Variants in BANK1 observed in about 807,000 individuals in gnomAD.
BANK1 encodes B-cell scaffold protein with ankyrin repeats.
BANK1 carries 95 observed loss-of-function variants against 94.5 expected under a neutral mutation model. The observed-to-expected ratio is 1.00, with a 90% CI of 0.85 to 1.19. BANK1 has a LOEUF of 1.19. BANK1 is among the 50% of genes most tolerant of loss of function. The pLI, the probability that BANK1 is intolerant of heterozygous loss-of-function variation, is 0.00. For synonymous variants in BANK1, 334 were observed against 308.4 expected, an observed-to-expected ratio of 1.08 and a Z score of -0.87; for missense variants, 987 against 932.2, an observed-to-expected ratio of 1.06 and a Z score of -0.77.
At chr4:102,020,521 G>T (rs1033542990) in intron 7 of BANK1, among the ~76,000 whole-genome samples, 1 of 151,970 alleles carries the variant, frequency 6.6e-6, no homozygotes, top group African/African-American at 2.4e-5. Flanking sequence ...GATGACATTA[G>T]TGTTTAAAAA....
chr4:101,942,872 G>C (rs901258472), intron 7 of BANK1, among the ~76,000 whole-genome samples: 3 of 151,852 alleles, frequency 2.0e-5, no homozygotes, highest in Non-Finnish European at 4.4e-5. Flanking sequence ...ACTGTGGCAT[G>C]CTTTAAGGAT....
At chr4:102,049,565 C>G (rs955769465) in intron 11 of BANK1, among the ~76,000 whole-genome samples, 2 of 152,162 alleles carry the variant, frequency 1.3e-5, no homozygotes, top group Non-Finnish European at 2.9e-5. Context: ...TGTTGTTGCT[C>G]TCACTCTTAG....
intron 2 of BANK1, among the ~76,000 whole-genome samples, chr4:101,847,214 T>C (rs1325370197): frequency 6.6e-6 from 1 of 151,282 alleles, no homozygotes; most frequent in African/African-American, 2.4e-5. Flanking sequence ...TGTGTGTGTG[T>C]GTGTGTGTGT....
intron 10 of BANK1, among the ~76,000 whole-genome samples, chr4:102,042,889 G>T (rs1255943969): frequency 6.6e-6 from 1 of 151,904 alleles, no homozygotes; most frequent in African/African-American, 2.4e-5. Flanking sequence ...GTGCTGTAAG[G>T]AACCACGCAA....
At chr4:101,855,925 G>A (rs948691559) in intron 3 of BANK1, among the ~76,000 whole-genome samples, 5 of 152,116 alleles carry the variant, frequency 3.3e-5, no homozygotes, top group African/African-American at 1.2e-4. Context: ...ATCTTGCTTG[G>A]AATGAACCAC....
intron 11 of BANK1, among the ~76,000 whole-genome samples, chr4:102,056,439 C>A (rs1032828381): frequency 6.6e-6 from 1 of 151,536 alleles, no homozygotes; most frequent in Non-Finnish European, 1.5e-5. Flanking sequence ...ATATAATGCT[C>A]CCATTAAAAA....
At chr4:101,876,690 C>T (rs1280753018) in intron 5 of BANK1, among the ~76,000 whole-genome samples, 3 of 152,076 alleles carry the variant, frequency 2.0e-5, no homozygotes, top group Admixed American at 1.3e-4. Flanking sequence ...TATGACCTCA[C>T]CAAATGAACT....
chr4:101,930,901 G>A (rs1294633914), intron 7 of BANK1, among the ~76,000 whole-genome samples: 1 of 151,498 alleles, frequency 6.6e-6, no homozygotes, highest in Non-Finnish European at 1.5e-5. Flanking sequence ...ATCTTTCTAT[G>A]TAAAATCATT....
chr4:101,809,761 G>A (rs1725679902), intron 1 of BANK1, among the ~76,000 whole-genome samples: 1 of 152,170 alleles, frequency 6.6e-6, no homozygotes, highest in South Asian at 2.1e-4. Flanking sequence ...GAAGCAGAAA[G>A]TATACTGCAC....
chr4:101,904,253 AATGCTCCCATAGGTTGT>A (rs1722372579), intron 6 of BANK1, among the ~76,000 whole-genome samples: 1 of 152,216 alleles, frequency 6.6e-6, no homozygotes, highest in Non-Finnish European at 1.5e-5. Context: ...TCTTGGCTGT[AATGCTCCCATAGGTTGT>A]ATGACTGAAT....
chr4:101,928,032 G>T (rs538113835), intron 7 of BANK1, among the ~76,000 whole-genome samples: 1 of 151,708 alleles, frequency 6.6e-6, no homozygotes, highest in South Asian at 2.1e-4. Context: ...TCAAATTTTT[G>T]ATTTAACAAC....
chr4:101,799,797 C>G (rs908432244), intron 1 of BANK1, among the ~76,000 whole-genome samples: 1 of 152,152 alleles, frequency 6.6e-6, no homozygotes, highest in African/African-American at 2.4e-5. Flanking sequence ...TGGCATGAAC[C>G]TGGGAGGCGG....
chr4:101,901,934 G>A lies in BANK1; in HGVS notation c.1009+6524G>A, dbSNP rs558020460. Among the ~76,000 whole-genome samples the A allele has an allele frequency of 2.4e-4, 36 of 151,986 alleles. No individual in the cohort carries two copies. The East Asian group carries it at 6.6e-3, about 28-fold the overall frequency. ...CGCCAACACACCTGGCTATTTTTTT[G>A]TATTTTTAGTAGAGACAGGGTTTCA... On this transcript the variant is annotated intron_variant, in intron 6 of 16. Coordinates refer to ENST00000322953, the MANE Select transcript of BANK1 (RefSeq NM_017935.5).
intron 7 of BANK1, among the ~76,000 whole-genome samples, chr4:101,953,343 A>C (rs934455397): frequency 6.6e-6 from 1 of 152,146 alleles, no homozygotes; most frequent in South Asian, 2.1e-4. Context: ...ATGTTGAAAC[A>C]GTGAACAAAA....
intron 11 of BANK1, among the ~76,000 whole-genome samples, chr4:102,045,787 A>C (rs1385821020): frequency 7.2e-5 from 11 of 151,744 alleles, no homozygotes; most frequent in African/African-American, 1.9e-4. Flanking sequence ...TCAAGGAAAT[A>C]AAAGAGGATA....
At chr4:101,814,542 T>C (rs572417253) in intron 1 of BANK1, among the ~76,000 whole-genome samples, 173 of 152,348 alleles carry the variant, frequency 1.1e-3, no homozygotes, top group Non-Finnish European at 2.2e-3. Context: ...GATCAGCTGG[T>C]CATATGCTTT....
At chr4:101,854,760 A>G (rs1478976273) in intron 2 of BANK1, among the ~76,000 whole-genome samples, 1 of 152,212 alleles carries the variant, frequency 6.6e-6, no homozygotes, top group African/African-American at 2.4e-5. Context: ...GAAAATAGAT[A>G]TGGTGACTGG....
intron 7 of BANK1, among the ~76,000 whole-genome samples, chr4:101,948,845 T>G (rs557427620): frequency 1.4e-3 from 217 of 152,292 alleles, no homozygotes; most frequent in African/African-American, 5.2e-3. Flanking sequence ...CATCCTGTAT[T>G]GGTATCTGAC....
At position 102,025,184 on chromosome 4, in the gene BANK1, A is replaced by G. The variant is rs1727040593; in HGVS notation, c.1286-17A>G. Reference sequence around the variant, plus strand: ...TGGTGTGTTTAAATGAAATCATGCAATCTTCATCATAAACAGCCACACAGA... The same window carrying G: ...TGGTGTGTTTAAATGAAATCATGCAGTCTTCATCATAAACAGCCACACAGA... On this transcript the variant is annotated splice_polypyrimidine_tract_variant and intron_variant, in intron 8 of 16. Coordinates refer to ENST00000322953, the MANE Select transcript of BANK1 (RefSeq NM_017935.5). 6.2e-7 allele frequency: 1 copy of G among 1,609,864 alleles called. No homozygotes were observed. Among genetic ancestry groups the G allele is most frequent in the African/African-American group, 1.3e-5 (1 of 74,904 alleles).
Sources: gnomAD v4.1 joint callset for allele counts (sites outside exome capture counted in the v4.1 genomes callset) on GRCh38, gnomAD v4.1.1 for gene constraint, MANE v1.5 for transcripts, NCBI Gene and HGNC (gene_info 2026-07-23, HGNC 2026-07-21) for gene names.